The following ASIC2 variants were observed in gnomAD, a reference collection of about 807,000 sequenced individuals.
The protein encoded by ASIC2 is acid-sensing ion channel 2.
A neutral mutation model predicts 57.3 loss-of-function variants in ASIC2; 25 were observed. The ratio of observed to expected loss-of-function variants is 0.44; its 90% confidence interval spans 0.32 to 0.61. The LOEUF is 0.61. ASIC2 is among the 20% of genes least tolerant of loss of function. The pLI, the probability that ASIC2 is intolerant of heterozygous loss-of-function variation, is 0.06. For missense variants in ASIC2, 641 were observed against 738.1 expected (o/e 0.87, Z 1.52); for synonymous variants, 319 against 307.5 (o/e 1.04, Z -0.39).
intron 1 of ASIC2, among the ~76,000 whole-genome samples, chr17:33,366,443 T>G (rs188624012): frequency 6.6e-6 from 1 of 152,200 alleles, no homozygotes; most frequent in Non-Finnish European, 1.5e-5. Flanking sequence ...TACCTGCACA[T>G]GCACTGCCTT....
chr17:33,710,615 T>C (rs1908999108), intron 1 of ASIC2, among the ~76,000 whole-genome samples: 1 of 152,202 alleles, frequency 6.6e-6, no homozygotes, highest in South Asian at 2.1e-4. Context: ...TTCTGGACTT[T>C]CTGATTCTTT....
chr17:34,148,091 AAAGGAAC>A (rs1226977400), intron 1 of ASIC2, among the ~76,000 whole-genome samples: 3 of 152,200 alleles, frequency 2.0e-5, no homozygotes, highest in Non-Finnish European at 4.4e-5. Context: ...ACAGAGGAGG[AAAGGAAC>A]CAACACCCCA....
At chr17:33,804,485 T>G (rs1342412138) in intron 1 of ASIC2, among the ~76,000 whole-genome samples, 1 of 151,830 alleles carries the variant, frequency 6.6e-6, no homozygotes, top group Non-Finnish European at 1.5e-5. Context: ...AAGGAATGAG[T>G]GAATGAGTGC....
chr17:33,029,652 A>G (rs532733274), intron 3 of ASIC2, among the ~76,000 whole-genome samples: 2 of 152,384 alleles, frequency 1.3e-5, no homozygotes, highest in South Asian at 4.1e-4. Flanking sequence ...AATGGCTAGC[A>G]GTGGAACAGC....
At chr17:33,055,959 C>A (rs2091996343) in intron 3 of ASIC2, among the ~76,000 whole-genome samples, 1 of 152,158 alleles carries the variant, frequency 6.6e-6, no homozygotes, top group Non-Finnish European at 1.5e-5. Flanking sequence ...TGGACTCAGC[C>A]CTAAGATTAG....
chr17:33,694,344 G>A (rs1044359671), intron 1 of ASIC2, among the ~76,000 whole-genome samples: 2 of 152,148 alleles, frequency 1.3e-5, no homozygotes, highest in Admixed American at 6.5e-5. Flanking sequence ...ACCCTGGGAC[G>A]GGAGCACCGT....
chr17:33,032,810 C>T (rs568294122), intron 3 of ASIC2, among the ~76,000 whole-genome samples: 7 of 152,280 alleles, frequency 4.6e-5, no homozygotes, highest in Admixed American at 2.0e-4. Context: ...AAGAAAGTTA[C>T]GTTTTATATT....
At chr17:33,163,051 C>T (rs1015144802) in intron 1 of ASIC2, among the ~76,000 whole-genome samples, 1 of 152,158 alleles carries the variant, frequency 6.6e-6, no homozygotes, top group Non-Finnish European at 1.5e-5. Flanking sequence ...GCAAGTCAGA[C>T]ACAGTCCTGT....
intron 1 of ASIC2, among the ~76,000 whole-genome samples, chr17:33,419,196 C>G (rs2141970469): frequency 6.6e-6 from 1 of 152,340 alleles, no homozygotes; most frequent in African/African-American, 2.4e-5. Flanking sequence ...ATTGGTGCCC[C>G]TCTTCCTTGC....
At position 34,090,146 on chromosome 17, in the gene ASIC2, A is replaced by G. The variant is rs147514263; in HGVS notation, c.555+65832T>C. On this transcript the variant is annotated intron_variant, in intron 1 of 9. Coordinates refer to the ASIC2 transcript ENST00000359872. ...TCAATGAGAGCTCTACTGACATTTT[A>G]GGTGGAGGGCTAGGGGGATGTGGTT... Among the ~76,000 whole-genome samples the G allele has an allele frequency of 7.9e-5, 12 of 152,288 alleles. 1 individual carries two copies. Among genetic ancestry groups the G allele is most frequent in the Middle Eastern group, 3.4e-3 (1 of 294 alleles).
chr17:33,610,383 C>T (rs1905363996), intron 1 of ASIC2, among the ~76,000 whole-genome samples: 1 of 152,104 alleles, frequency 6.6e-6, no homozygotes, highest in South Asian at 2.1e-4. Context: ...TCTTGAACTC[C>T]TGACCTCAAA....
intron 1 of ASIC2, among the ~76,000 whole-genome samples, chr17:33,952,745 A>C (rs1904616877): frequency 6.6e-6 from 1 of 152,200 alleles, no homozygotes. Context: ...ATGTATTGAT[A>C]ATGGGAAAAA....
At chr17:33,196,681 A>T (rs1210896075) in intron 1 of ASIC2, among the ~76,000 whole-genome samples, 2 of 152,244 alleles carry the variant, frequency 1.3e-5, no homozygotes, top group Admixed American at 1.3e-4. Flanking sequence ...TGTCAGGAAC[A>T]GCTCAAGTAC....
At chr17:33,039,708 TAGA>T (rs1223793278) in intron 3 of ASIC2, among the ~76,000 whole-genome samples, 1 of 152,120 alleles carries the variant, frequency 6.6e-6, no homozygotes, top group Non-Finnish European at 1.5e-5. Flanking sequence ...CCCAAAGCAT[TAGA>T]ACACACAGAA....
chr17:33,864,189 G>A (rs781219344), intron 1 of ASIC2, among the ~76,000 whole-genome samples: 27 of 152,270 alleles, frequency 1.8e-4, no homozygotes, highest in Middle Eastern at 3.4e-3. Context: ...TTATAGGCGT[G>A]AGCCACCCCG....
intron 1 of ASIC2, among the ~76,000 whole-genome samples, chr17:33,402,334 T>C (rs2043461067): frequency 6.6e-6 from 1 of 152,220 alleles, no homozygotes; most frequent in Admixed American, 6.5e-5. Flanking sequence ...ATGTGAAGGT[T>C]TTTTACATAG....
At chr17:33,605,875 G>C (rs988190466) in intron 1 of ASIC2, among the ~76,000 whole-genome samples, 2 of 152,030 alleles carry the variant, frequency 1.3e-5, no homozygotes, top group African/African-American at 4.8e-5. Flanking sequence ...CCCTTTTCTA[G>C]CATGCTCCCC....
rs1384331306 is a variant in ASIC2, at chr17:33,976,159, A to AT, written c.555+179818_555+179819insA. 7.9e-3 allele frequency among the ~76,000 whole-genome samples: 1,180 copies of AT among 149,348 alleles called. 10 individuals carry two copies. The highest frequency in any genetic ancestry group is 0.027 in the African/African-American group (1,098 of 40,582). ...TTACAGATGATCTTGGATCATTTAC[A>AT]GATCCAAGATCATCTGTAAATGGGG... On this transcript the variant is annotated intron_variant, in intron 1 of 9. Coordinates refer to the ASIC2 transcript ENST00000359872.
At chr17:33,248,567 A>G (rs573552604) in intron 1 of ASIC2, among the ~76,000 whole-genome samples, 3 of 152,358 alleles carry the variant, frequency 2.0e-5, no homozygotes, top group East Asian at 3.9e-4. Flanking sequence ...TCTAGAGGCC[A>G]CAGATCCAGA....
Sources: gnomAD v4.1 joint callset for allele counts (sites outside exome capture counted in the v4.1 genomes callset) on GRCh38, gnomAD v4.1.1 for gene constraint, MANE v1.5 for transcripts, NCBI Gene and HGNC (gene_info 2026-07-23, HGNC 2026-07-21) for gene names.